Variants in OR52N4 observed in about 807,000 individuals in gnomAD.
The protein encoded by OR52N4 is olfactory receptor family 52 subfamily N member 4.
A neutral mutation model predicts 15.0 loss-of-function variants in OR52N4; 15 were observed. The observed-to-expected ratio is 1.00, with a 90% CI of 0.67 to 1.54. OR52N4 has a LOEUF of 1.54. Among genes scored for constraint, OR52N4 ranks in the 40% most tolerant of loss-of-function variants. The pLI is 0.00. For missense variants in OR52N4, 421 were observed against 394.0 expected, an observed-to-expected ratio of 1.07 and a Z score of -0.58; for synonymous variants, 143 against 143.7, an observed-to-expected ratio of 1.00 and a Z score of 0.03.
the OR52N4 span, among the ~76,000 whole-genome samples, chr11:5,731,093 A>G: frequency 6.6e-6 from 1 of 152,224 alleles, no homozygotes; most frequent in Non-Finnish European, 1.5e-5. Flanking sequence ...TAGAGAATTT[A>G]GTCATAGTGT....
chr11:5,753,058 T>G (rs1018417888), upstream of OR52N4, among the ~76,000 whole-genome samples: 1 of 152,178 alleles, frequency 6.6e-6, no homozygotes, highest in African/African-American at 2.4e-5. Context: ...GATGAACATT[T>G]AGGTTTTTTC....
the OR52N4 span, among the ~76,000 whole-genome samples, chr11:5,729,123 T>C: frequency 2.2e-5 from 3 of 135,820 alleles, no homozygotes; most frequent in Non-Finnish European, 4.8e-5. Flanking sequence ...GATTTTTTTT[T>C]TTTTTTTTTT....
chr11:5,752,060 G>C (rs1245432855), upstream of OR52N4, among the ~76,000 whole-genome samples: 1 of 152,052 alleles, frequency 6.6e-6, no homozygotes, highest in African/African-American at 2.4e-5. Flanking sequence ...GAGAATGTCA[G>C]TGCGATATGA....
At chr11:5,747,532 ATATAT>A in the OR52N4 span, among the ~76,000 whole-genome samples, 10 of 151,856 alleles carry the variant, frequency 6.6e-5, no homozygotes, top group South Asian at 1.0e-3. Flanking sequence ...ATATGTATAT[ATATAT>A]TATATTTCAA....
Position 5,754,993 on chromosome 11 carries a change from T to C in OR52N4, c.253T>C (p.Cys85Arg). The part of the protein sequence containing the change: ...MCSSTIPKAL[C>R]IFWFHLKDIG... Reference sequence around the variant, plus strand: ...CTCTAGTACAATCCCTAAAGCCCTCTGCATCTTCTGGTTTCATCTCAAGGA... The same window carrying C: ...CTCTAGTACAATCCCTAAAGCCCTCCGCATCTTCTGGTTTCATCTCAAGGA... Residue 85 changes from cysteine (C) to arginine (R), a missense_variant, in exon 2 of 2, where the codon TGC (cysteine) becomes CGC (arginine). Coordinates refer to ENST00000641350, the MANE Select transcript of OR52N4 (RefSeq NM_001005175.5). 1 of 1,614,008 alleles carries C rather than the reference T, an allele frequency of 6.2e-7. No homozygotes were observed. Among genetic ancestry groups the C allele is most frequent in the South Asian group, 1.1e-5 (1 of 91,086 alleles).
At chr11:5,736,889 C>G in the OR52N4 span, 2,138 of 1,614,012 alleles carry the variant, frequency 1.3e-3, 36 homozygotes, top group South Asian at 0.021. Context: ...TGGTATCCTA[C>G]TCTGCATGGC....
At chr11:5,745,476 G>T in the OR52N4 span, among the ~76,000 whole-genome samples, 2 of 151,944 alleles carry the variant, frequency 1.3e-5, no homozygotes, top group African/African-American at 4.8e-5. Context: ...CAATACCTAG[G>T]AATACATGTA....
chr11:5,730,692 T>G, the OR52N4 span, among the ~76,000 whole-genome samples: 1 of 151,440 alleles, frequency 6.6e-6, no homozygotes, highest in African/African-American at 2.4e-5. Flanking sequence ...AGATCCATCT[T>G]TGGCTAACTT....
the OR52N4 span, among the ~76,000 whole-genome samples, chr11:5,749,046 A>G: frequency 6.6e-6 from 1 of 151,906 alleles, no homozygotes; most frequent in Non-Finnish European, 1.5e-5. Flanking sequence ...GACACATAAC[A>G]TGTATTTTTT....
At position 5,755,261 on chromosome 11, in the gene OR52N4, A is replaced by T. The variant is rs1184196772; in HGVS notation, c.521A>T (p.Asn174Ile). The T allele has an allele frequency of 6.2e-7, 1 of 1,613,880 alleles. No individual in the cohort carries two copies. Among genetic ancestry groups the T allele is most frequent in the African/African-American group, 1.3e-5 (1 of 74,906 alleles). Reference protein sequence around the residue: ...LTKLLPYCRGNILPHTYCDHM... With the variant: ...LTKLLPYCRGIILPHTYCDHM... ...AAGCTCCTGCCCTACTGCAGAGGCA[A>T]TATACTTCCCCATACCTACTGTGAC... Residue 174 changes from asparagine to isoleucine, a missense_variant, in exon 2 of 2, where the codon AAT (asparagine) becomes ATT (isoleucine). Transcript: ENST00000641350.
chr11:5,746,914 C>T, the OR52N4 span, among the ~76,000 whole-genome samples: 15 of 151,966 alleles, frequency 9.9e-5, no homozygotes, highest in African/African-American at 3.4e-4. Flanking sequence ...ACTAAATGTA[C>T]ATCAATGGAT....
chr11:5,755,058 C>T lies in OR52N4; in HGVS notation c.318C>T (p.Thr106=). Reference sequence around the variant, plus strand: ...AATGCCTTGTCCAGATGTTCTTCACCCACACCTTCACAGGGATGGAGTCTG... The same window carrying T: ...AATGCCTTGTCCAGATGTTCTTCACTCACACCTTCACAGGGATGGAGTCTG... The part of the protein sequence containing the change: ...FDECLVQMFF[T]HTFTGMESGV... The change falls in exon 2 of 2, where the codon ACC becomes ACT. Residue 106 remains threonine, a synonymous_variant. Coordinates refer to ENST00000641350, the MANE Select transcript of OR52N4 (RefSeq NM_001005175.5). The T allele has an allele frequency of 5.0e-6, 8 of 1,613,974 alleles. No homozygotes were observed. The highest frequency in any genetic ancestry group is 6.8e-6 in the Non-Finnish European group (8 of 1,179,960).
At chr11:5,734,308 T>C in the OR52N4 span, 1 of 417,706 alleles carries the variant, frequency 2.4e-6, no homozygotes, top group African/African-American at 2.1e-5. Context: ...CTAAACATTA[T>C]GTTGTTTTGT....
the OR52N4 span, among the ~76,000 whole-genome samples, chr11:5,743,918 C>T: frequency 1.3e-5 from 2 of 151,300 alleles, no homozygotes; most frequent in Non-Finnish European, 3.0e-5. Context: ...CAGAAAAATA[C>T]AAAGATAAAG....
chr11:5,755,803 A>G lies in OR52N4; in HGVS notation c.*97A>G. On this transcript the variant is annotated 3_prime_UTR_variant, in exon 2 of 2. Coordinates refer to ENST00000641350, the MANE Select transcript of OR52N4 (RefSeq NM_001005175.5). ...AAATCTTTCTGGAAGCACTGTATTG[A>G]TCACAAAATGGAGTTTGTTAACTGG... 1 of 1,413,580 alleles carries G rather than the reference A, an allele frequency of 7.1e-7. No homozygotes were observed. Among genetic ancestry groups the G allele is most frequent in the Non-Finnish European group, 9.5e-7 (1 of 1,056,258 alleles). 87.6% of individuals were successfully genotyped at this position (1,413,580 alleles called of 1,614,324 possible). A position where few individuals can be genotyped will look rare whatever the true frequency, so the allele number is the denominator to read the frequency against.
upstream of OR52N4, chr11:5,754,211 T>C (rs1459737631): frequency 6.6e-6 from 1 of 152,144 alleles, no homozygotes; most frequent in Non-Finnish European, 1.5e-5. Flanking sequence ...TCAAAATTCT[T>C]TGAACAGTGC....
chr11:5,744,902 C>T, the OR52N4 span, among the ~76,000 whole-genome samples: 2 of 152,128 alleles, frequency 1.3e-5, no homozygotes, highest in African/African-American at 4.8e-5. Context: ...GCCTGCACAA[C>T]AGAGTGAGAC....
chr11:5,742,070 C>T, the OR52N4 span, among the ~76,000 whole-genome samples: 87 of 150,786 alleles, frequency 5.8e-4, no homozygotes, highest in African/African-American at 2.1e-3. Context: ...AGACTGAAGT[C>T]GGGTTTTTAA....
upstream of OR52N4, among the ~76,000 whole-genome samples, chr11:5,752,718 A>G (rs1386440756): frequency 2.0e-5 from 3 of 152,186 alleles, no homozygotes; most frequent in Non-Finnish European, 4.4e-5. Context: ...TTACAACCTG[A>G]ATCTTGTATA....
Sources: allele counts gnomAD v4.1 joint callset (sites outside exome capture counted in the v4.1 genomes callset), GRCh38; gene constraint gnomAD v4.1.1; transcripts MANE v1.5; gene names NCBI Gene and HGNC (gene_info 2026-07-23, HGNC 2026-07-21).